The following LARP1B variants were observed in gnomAD, a reference collection of about 807,000 sequenced individuals.
LARP1B encodes the protein La ribonucleoprotein 1B, also known as la-related protein 1B.
A neutral mutation model predicts 114.2 loss-of-function variants in LARP1B; 76 were observed. That is an observed-to-expected ratio of 0.67 (90% CI 0.55 to 0.81). The LOEUF is 0.81. Ranked by LOEUF, LARP1B falls within the 30% of genes least tolerant of loss-of-function variation. The pLI is 0.00. For synonymous variants in LARP1B, 345 were observed against 348.0 expected, an observed-to-expected ratio of 0.99 and a Z score of 0.10; for missense variants, 1,014 against 1,075.8, an observed-to-expected ratio of 0.94 and a Z score of 0.80.
In LARP1B at chr4:128,178,401, A is replaced by G. The variant is rs148577347; in HGVS notation, c.1685-30A>G. On this transcript the variant is annotated intron_variant, in intron 13 of 19. Coordinates refer to ENST00000326639, the MANE Select transcript of LARP1B (RefSeq NM_018078.4). ...AAAGTAAAATATTTTCCTAGCATCT[A>G]AATAATTTTAAGAGTTTTTTATTTT... The G allele has an allele frequency of 5.4e-6, 8 of 1,486,742 alleles. No individual in the cohort carries two copies. In the East Asian group the frequency reaches 1.8e-4, roughly 34 times the overall value. 92.1% of individuals were successfully genotyped at this position (1,486,742 alleles called of 1,614,324 possible). A position where few individuals can be genotyped will look rare whatever the true frequency, so the allele number is the denominator to read the frequency against.
intron 1 of LARP1B, among the ~76,000 whole-genome samples, chr4:128,072,423 A>G (rs1015474885): frequency 5.9e-5 from 9 of 152,166 alleles, no homozygotes; most frequent in Non-Finnish European, 1.2e-4. Context: ...ATTTAAAACA[A>G]TTTCCTCAAC....
At chr4:128,171,100 T>C (rs1743469671) in intron 12 of LARP1B, among the ~76,000 whole-genome samples, 2 of 135,970 alleles carry the variant, frequency 1.5e-5, no homozygotes, top group Admixed American at 7.1e-5. Flanking sequence ...CTAACCTCCA[T>C]AGAGATTTTT....
intron 10 of LARP1B, among the ~76,000 whole-genome samples, chr4:128,117,206 A>ATT (rs70966078): frequency 5.9e-5 from 8 of 136,202 alleles, no homozygotes; most frequent in Non-Finnish European, 9.6e-5. Context: ...CCGGCCTGAG[A>ATT]TTTTTTTTTT....
At chr4:128,207,106 A>G (rs1162494917) in intron 18 of LARP1B, 150 bp from the exon 19 acceptor site, 2 of 424,894 alleles carry the variant, frequency 4.7e-6, no homozygotes, top group Non-Finnish European at 4.1e-6. Context: ...AGCTGCCATT[A>G]TTGGTTAATT....
chr4:128,213,330 T>C (rs1432988898), downstream of LARP1B, among the ~76,000 whole-genome samples: 1 of 152,210 alleles, frequency 6.6e-6, no homozygotes, highest in African/African-American at 2.4e-5. Flanking sequence ...TTTTTATTGC[T>C]TATTAACCAT....
chr4:128,083,518 C>A (rs576803576), intron 5 of LARP1B, among the ~76,000 whole-genome samples: 1 of 148,452 alleles, frequency 6.7e-6, no homozygotes, highest in Non-Finnish European at 1.5e-5. Context: ...CCAGTAGGGG[C>A]GGCCGGGCAG....
At chr4:128,091,599 A>ATTTT in intron 7 of LARP1B, 87 bp downstream of exon 7, 4 of 842,922 alleles carry the variant, frequency 4.7e-6, no homozygotes, top group Admixed American at 3.1e-5. Flanking sequence ...ATATGCTATA[A>ATTTT]TTTTTTTTTT....
chr4:128,155,434 G>C (rs1735065840), intron 11 of LARP1B: 3 of 695,458 alleles, frequency 4.3e-6, no homozygotes, highest in Non-Finnish European at 7.7e-6. Flanking sequence ...CGGGAATGGC[G>C]TGGGTATGGC....
At chr4:128,146,237 A>G (rs995229133) in intron 11 of LARP1B, among the ~76,000 whole-genome samples, 6 of 152,232 alleles carry the variant, frequency 3.9e-5, no homozygotes, top group Admixed American at 6.5e-5. Context: ...CATTATGTCT[A>G]AAATGGTATT....
In LARP1B at chr4:128,178,519, A is replaced by G; in HGVS notation, c.1773A>G (p.Pro591=). Residue 591 remains proline (P), a synonymous_variant, in exon 14 of 20, where the codon CCA becomes CCG. Transcript: ENST00000326639. The part of the protein sequence containing the change: ...AMVHSLPTAV[P]ESPRIHPTRT... ...TTCATTCGTTGCCTACAGCAGTTCC[A>G]GAATCTCCTAGAATTCATCCTACAA... 6.2e-7 allele frequency: 1 copy of G among 1,614,072 alleles called. No homozygotes were observed. Among genetic ancestry groups the G allele is most frequent in the Non-Finnish European group, 8.5e-7 (1 of 1,179,920 alleles).
chr4:128,155,831 A>C, intron 11 of LARP1B: 2 of 1,580,178 alleles, frequency 1.3e-6, no homozygotes. Context: ...TCAGGGCTGC[A>C]GCGAGAGATC....
At chr4:128,191,084 T>A (rs1752123261) in intron 15 of LARP1B, among the ~76,000 whole-genome samples, 1 of 151,562 alleles carries the variant, frequency 6.6e-6, no homozygotes, top group African/African-American at 2.4e-5. Context: ...AATCCATTTT[T>A]CAGAAAACGT....
rs192814819 is a variant in LARP1B at position 128,106,316 on chromosome 4, C to T, written c.814-823C>T. On this transcript the variant is annotated intron_variant, in intron 8 of 19. Transcript: ENST00000326639. ...GGATTACAGGCATGAGCACCTGGCCCGGTTAATGTTCTTAATTATATACAG... is the reference window on the plus strand; with the variant it reads ...GGATTACAGGCATGAGCACCTGGCCTGGTTAATGTTCTTAATTATATACAG... Among the ~76,000 whole-genome samples, 119 of 152,228 alleles carry T rather than the reference C, an allele frequency of 7.8e-4. 1 individual carries two copies. The highest frequency in any genetic ancestry group is 2.7e-3 in the African/African-American group (113 of 41,532).
chr4:128,099,725 C>T (rs750042128), intron 8 of LARP1B, among the ~76,000 whole-genome samples: 4 of 151,702 alleles, frequency 2.6e-5, no homozygotes, highest in African/African-American at 9.7e-5. Flanking sequence ...TACACACACA[C>T]ACACACACAC....
chr4:128,121,792 GT>G, intron 10 of LARP1B, 33 bp from the exon 11 acceptor site: 1 of 1,404,988 alleles, frequency 7.1e-7, no homozygotes, highest in Non-Finnish European at 9.4e-7. Context: ...ATGATAGAAA[GT>G]TTTTTATATA....
chr4:128,132,019 T>C (rs1791714387), intron 11 of LARP1B, among the ~76,000 whole-genome samples: 1 of 152,186 alleles, frequency 6.6e-6, no homozygotes, highest in Admixed American at 6.5e-5. Flanking sequence ...AGGCTAAACA[T>C]AGGGTTACCA....
chr4:128,222,531 T>TC (rs1343210154), exon 8 of LARP1B: 5 of 303,244 alleles, frequency 1.6e-5, no homozygotes, highest in Non-Finnish European at 2.7e-5. Flanking sequence ...TTACTTTTTT[T>TC]CTGCCCTGGG....
chr4:128,065,112 T>A (rs1761876496), intron 1 of LARP1B, among the ~76,000 whole-genome samples: 1 of 152,124 alleles, frequency 6.6e-6, no homozygotes, highest in Non-Finnish European at 1.5e-5. Flanking sequence ...TCAGTTTTGC[T>A]GTTGTCTTGT....
At chr4:128,083,809 C>T (rs1771963270) in intron 5 of LARP1B, among the ~76,000 whole-genome samples, 1 of 150,914 alleles carries the variant, frequency 6.6e-6, no homozygotes, top group Admixed American at 6.6e-5. Flanking sequence ...GCTGACCCCC[C>T]CACCTCCCTC....
Sources: gnomAD v4.1 joint callset for allele counts (sites outside exome capture counted in the v4.1 genomes callset) on GRCh38, gnomAD v4.1.1 for gene constraint, MANE v1.5 for transcripts, NCBI Gene and HGNC (gene_info 2026-07-23, HGNC 2026-07-21) for gene names.